The following MARCHF1 variants were observed in gnomAD, a reference collection of about 807,000 sequenced individuals.
MARCHF1 encodes E3 ubiquitin-protein ligase MARCHF1.
MARCHF1 carries 40 observed loss-of-function variants against 54.2 expected under a neutral mutation model. The ratio of observed to expected loss-of-function variants is 0.74; its 90% CI spans 0.57 to 0.96. The LOEUF (loss-of-function observed/expected upper bound fraction) is 0.96. Ranked by LOEUF, MARCHF1 falls within the 40% of genes least tolerant of loss-of-function variation. The probability of loss-of-function intolerance (pLI) is 0.00; values close to 1 mark genes in which losing one functional copy is unlikely to be tolerated. For synonymous variants in MARCHF1, 236 were observed against 236.3 expected, an observed-to-expected ratio of 1.00 and a Z score of 0.01; for missense variants, 586 against 656.5, an observed-to-expected ratio of 0.89 and a Z score of 1.17.
chr4:163,935,306 C>T (rs1323428105), intron 3 of MARCHF1, among the ~76,000 whole-genome samples: 1 of 152,186 alleles, frequency 6.6e-6, no homozygotes, highest in Non-Finnish European at 1.5e-5. Flanking sequence ...GACTTATCTT[C>T]CCTAGCTATG....
intron 1 of MARCHF1, among the ~76,000 whole-genome samples, chr4:164,183,822 C>A (rs192577055): frequency 2.4e-3 from 363 of 152,134 alleles, no homozygotes; most frequent in Non-Finnish European, 4.4e-3. Flanking sequence ...TGTATGGGAG[C>A]ATATAACAGG....
intron 1 of MARCHF1, among the ~76,000 whole-genome samples, chr4:164,348,276 T>C (rs1461330555): frequency 6.6e-6 from 1 of 152,218 alleles, no homozygotes; most frequent in Non-Finnish European, 1.5e-5. Context: ...TTATAAACTT[T>C]CTTTTGGGAG....
chr4:163,935,702 C>CTTTTTTTTTTTTTTTTT (rs34331599), intron 3 of MARCHF1, among the ~76,000 whole-genome samples: 1 of 125,758 alleles, frequency 8.0e-6, no homozygotes, highest in Non-Finnish European at 1.7e-5. Flanking sequence ...TGCTTGCTTT[C>CTTTTTTTTTTTTTTTTT]TTTTTTTTTT....
intron 4 of MARCHF1, among the ~76,000 whole-genome samples, chr4:163,703,928 G>A (rs1744877338): frequency 6.6e-6 from 1 of 151,834 alleles, no homozygotes; most frequent in Non-Finnish European, 1.5e-5. Flanking sequence ...TCATTACCAA[G>A]TTTTGTTTTA....
intron 8 of MARCHF1, among the ~76,000 whole-genome samples, chr4:163,562,058 A>T (rs1011252094): frequency 6.6e-6 from 1 of 152,122 alleles, no homozygotes; most frequent in Admixed American, 6.5e-5. Context: ...GCACTTTGGG[A>T]GGCCGAGGTG....
chr4:164,059,470 A>T lies in MARCHF1; in HGVS notation c.-248+52118T>A, dbSNP rs1754568160. Reference sequence around the variant, plus strand: ...TCTCATTAAAAATTCCATAAAACTGACATATTTTCAAGATGAATAAATAAA... The same window carrying T: ...TCTCATTAAAAATTCCATAAAACTGTCATATTTTCAAGATGAATAAATAAA... On this transcript the variant is annotated intron_variant, in intron 2 of 9. Transcript: ENST00000514618. 2.6e-5 allele frequency among the ~76,000 whole-genome samples: 4 copies of T among 152,160 alleles called. No homozygotes were observed. In the South Asian group the frequency reaches 8.3e-4, roughly 32 times the overall value.
At chr4:163,612,125 C>A in intron 7 of MARCHF1, 146 bp downstream of exon 7, 1 of 685,002 alleles carries the variant, frequency 1.5e-6, no homozygotes. Context: ...CTTTTCATAC[C>A]CACCTTTTCT....
At chr4:163,962,171 A>C (rs1752356311) in intron 3 of MARCHF1, among the ~76,000 whole-genome samples, 1 of 151,984 alleles carries the variant, frequency 6.6e-6, no homozygotes, top group Non-Finnish European at 1.5e-5. Context: ...AATAGCCTAA[A>C]TCTTGGGAGA....
chr4:163,675,363 A>C (rs1743877593), intron 5 of MARCHF1, among the ~76,000 whole-genome samples: 1 of 152,234 alleles, frequency 6.6e-6, no homozygotes, highest in Admixed American at 6.5e-5. Flanking sequence ...TGCAGTAGGT[A>C]TTTAAGTAAG....
intron 1 of MARCHF1, among the ~76,000 whole-genome samples, chr4:164,245,424 A>T (rs1342543341): frequency 4.6e-5 from 7 of 152,240 alleles, no homozygotes; most frequent in Admixed American, 4.6e-4. Flanking sequence ...AACTCTCAAT[A>T]AATTAGGTAT....
intron 3 of MARCHF1, among the ~76,000 whole-genome samples, chr4:163,898,146 TAA>T (rs973217582): frequency 6.7e-6 from 1 of 149,710 alleles, no homozygotes; most frequent in African/African-American, 2.5e-5. Context: ...GAATTTATGG[TAA>T]AGACACCAAA....
At chr4:163,611,551 G>T (rs1741341047) in intron 7 of MARCHF1, among the ~76,000 whole-genome samples, 1 of 152,008 alleles carries the variant, frequency 6.6e-6, no homozygotes. Context: ...GTTTGAAATT[G>T]TCTCATTTAT....
intron 4 of MARCHF1, among the ~76,000 whole-genome samples, chr4:163,807,711 T>C (rs2110997955): frequency 6.6e-6 from 1 of 152,136 alleles, no homozygotes; most frequent in African/African-American, 2.4e-5. Context: ...TATAAAATTA[T>C]TTTCACTAAA....
intron 2 of MARCHF1, among the ~76,000 whole-genome samples, chr4:164,107,691 A>G (rs928904607): frequency 1.2e-4 from 18 of 152,238 alleles, no homozygotes; most frequent in African/African-American, 4.3e-4. Flanking sequence ...TTCTCTCAAC[A>G]TTTAAGTGAG....
Position 163,526,103 on chromosome 4 carries a change from A to G in MARCHF1, c.*2645T>C, listed in dbSNP as rs1400367652. The stretch of plus-strand genomic sequence containing the variant: ...TATTTTCTCATTTCAACAATGTCCA[A>G]GCCCATAAAAGTTAATTGCAAGAAT... On this transcript the variant is annotated 3_prime_UTR_variant, in exon 10 of 10. Transcript: ENST00000514618. 1 of 152,120 alleles carries G rather than the reference A, an allele frequency of 6.6e-6. No individual in the cohort carries two copies. The highest frequency in any genetic ancestry group is 1.5e-5 in the Non-Finnish European group (1 of 67,992). 9.4% of individuals were successfully genotyped at this position (152,120 alleles called of 1,614,324 possible).
intron 4 of MARCHF1, among the ~76,000 whole-genome samples, chr4:163,709,944 G>C (rs1252021124): frequency 1.3e-5 from 2 of 152,122 alleles, no homozygotes; most frequent in Admixed American, 1.3e-4. Context: ...ATTTAGATGT[G>C]CTAGAAAGAT....
intron 4 of MARCHF1, among the ~76,000 whole-genome samples, chr4:163,726,680 A>G (rs1416947996): frequency 6.6e-6 from 1 of 152,252 alleles, no homozygotes; most frequent in East Asian, 1.9e-4. Flanking sequence ...AGAAACTCAC[A>G]AACTATCTTC....
At chr4:164,350,284 T>C (rs564195577) in intron 1 of MARCHF1, among the ~76,000 whole-genome samples, 174 of 152,242 alleles carry the variant, frequency 1.1e-3, no homozygotes, top group African/African-American at 4.0e-3. Flanking sequence ...CTTACTCATA[T>C]GTAAGAGCCA....
intron 1 of MARCHF1, among the ~76,000 whole-genome samples, chr4:164,370,903 A>C (rs1731020455): frequency 6.6e-6 from 1 of 152,078 alleles, no homozygotes; most frequent in Non-Finnish European, 1.5e-5. Context: ...GTGAGACTCC[A>C]TCTCAAAAAT....
Sources: allele counts gnomAD v4.1 joint callset (sites outside exome capture counted in the v4.1 genomes callset), GRCh38; gene constraint gnomAD v4.1.1; transcripts MANE v1.5; gene names NCBI Gene and HGNC (gene_info 2026-07-23, HGNC 2026-07-21).